PKD1L1: variants seen among roughly 807,000 people sequenced by gnomAD.
The protein encoded by PKD1L1 is polycystin-1-like protein 1.
A neutral mutation model predicts 323.4 loss-of-function variants in PKD1L1; 236 were observed. The observed-to-expected ratio is 0.73, with a 90% confidence interval of 0.66 to 0.81. The LOEUF (loss-of-function observed/expected upper bound fraction) is 0.81. PKD1L1 is among the 40% of genes least tolerant of loss of function. The pLI is 0.00. For missense variants in PKD1L1, 3,320 were observed against 3,508.0 expected, an observed-to-expected ratio of 0.95 and a Z score of 1.35; for synonymous variants, 1,344 against 1,335.0, an observed-to-expected ratio of 1.01 and a Z score of -0.15.
chr7:47,824,041 T>C lies in PKD1L1; in HGVS notation c.6855-2855A>G, dbSNP rs148143551. 2.4e-4 allele frequency among the ~76,000 whole-genome samples: 37 copies of C among 152,364 alleles called. 1 individual carries two copies. The highest frequency in any genetic ancestry group is 7.0e-4 in the African/African-American group (29 of 41,594). On this transcript the variant is annotated intron_variant, in intron 45 of 56. Coordinates refer to ENST00000289672, the MANE Select transcript of PKD1L1 (RefSeq NM_138295.5). Reference sequence around the variant, plus strand: ...AACTGGCTTCTTGGTCCTCTGACAATGACTCTAGCAGTTATTAATTGCTCC... The same window carrying C: ...AACTGGCTTCTTGGTCCTCTGACAACGACTCTAGCAGTTATTAATTGCTCC...
intron 55 of PKD1L1, among the ~76,000 whole-genome samples, chr7:47,793,598 A>G (rs185085500): frequency 3.7e-4 from 56 of 152,306 alleles, no homozygotes; most frequent in Non-Finnish European, 4.3e-4. Flanking sequence ...AGTTTCAGTT[A>G]TATCTTTATC....
At position 47,815,362 on chromosome 7, in the gene PKD1L1, G is replaced by T; in HGVS notation, c.7061C>A (p.Thr2354Asn). The T allele has an allele frequency of 2.5e-6, 4 of 1,614,146 alleles. No homozygotes were observed. Among genetic ancestry groups the T allele is most frequent in the Non-Finnish European group, 3.4e-6 (4 of 1,180,028 alleles). ...TLLDGLYPGG[T>N]PSARVPGAQP... ...AGCCCCCGGCACACGGGCTGACGGG[G>T]TGCCTCCCGGGTACAGGCCATCCAG... The change falls in exon 47 of 57, where the codon ACC (threonine) becomes AAC (asparagine). Residue 2354 changes from threonine (T) to asparagine (N), a missense_variant. By Grantham distance (65) the Thr-to-Asn change is moderately conservative. Coordinates refer to ENST00000289672, the MANE Select transcript of PKD1L1 (RefSeq NM_138295.5).
At chr7:47,896,135 G>A (rs754569074) in intron 14 of PKD1L1, among the ~76,000 whole-genome samples, 11 of 152,012 alleles carry the variant, frequency 7.2e-5, no homozygotes, top group South Asian at 2.1e-4. Context: ...CCAGGAGTTC[G>A]AGAGCAGCCT....
At chr7:47,786,765 C>T (rs906740778) in intron 56 of PKD1L1, among the ~76,000 whole-genome samples, 1 of 152,164 alleles carries the variant, frequency 6.6e-6, no homozygotes, top group East Asian at 1.9e-4. Context: ...AGAAGAGGCC[C>T]GAGCAAGGAG....
At position 47,796,152 on chromosome 7, in the gene PKD1L1, T is replaced by A; in HGVS notation, c.8194-2A>T. On this transcript the variant is annotated splice_acceptor_variant, in intron 54 of 56. Transcript: ENST00000289672. LOFTEE classifies it high-confidence loss of function. The stretch of plus-strand genomic sequence containing the variant: ...TAAAGTCATGAGAAAACCTCTCAGC[T>A]AGGAAAAAGAAAAAAATAAAGACAA... The A allele has an allele frequency of 2.5e-6, 4 of 1,575,252 alleles. No individual in the cohort carries two copies. Among genetic ancestry groups the A allele is most frequent in the Admixed American group, 2.0e-5 (1 of 49,322 alleles).
chr7:47,869,152 T>C (rs914018510), intron 24 of PKD1L1, among the ~76,000 whole-genome samples: 1 of 152,112 alleles, frequency 6.6e-6, no homozygotes, highest in African/African-American at 2.4e-5. Context: ...GAAAATGATA[T>C]ACTAGAAAAT....
chr7:47,948,324 T>C (rs1300653376), intron 1 of PKD1L1, 73 bp downstream of exon 1: 10 of 1,572,784 alleles, frequency 6.4e-6, no homozygotes, highest in Non-Finnish European at 8.7e-6. Context: ...GGTGATGACT[T>C]TTGAAAGAAA....
At chr7:47,871,039 T>C (rs1356890122) in intron 24 of PKD1L1, among the ~76,000 whole-genome samples, 2 of 140,748 alleles carry the variant, frequency 1.4e-5, no homozygotes, top group African/African-American at 5.3e-5. Flanking sequence ...ATTATTCTGA[T>C]ACCAAAACCA....
chr7:47,940,898 C>G (rs1488950525), intron 2 of PKD1L1, among the ~76,000 whole-genome samples: 3 of 152,226 alleles, frequency 2.0e-5, no homozygotes, highest in African/African-American at 7.2e-5. Flanking sequence ...CATCCCATGT[C>G]TGTGAGAGCA....
chr7:47,812,109 C>T (rs1222829417), intron 49 of PKD1L1, 58 bp from the exon 50 acceptor site: 6 of 1,402,392 alleles, frequency 4.3e-6, no homozygotes, highest in African/African-American at 4.3e-5. Context: ...CAGAAGTCTA[C>T]TGAGGCTCCC....
intron 56 of PKD1L1, among the ~76,000 whole-genome samples, chr7:47,778,933 T>C (rs1425611594): frequency 1.3e-5 from 2 of 152,216 alleles, no homozygotes. Context: ...CTGGCGATCA[T>C]ATCGTTTTTA....
chr7:47,806,393 T>C (rs993259150), intron 52 of PKD1L1, among the ~76,000 whole-genome samples: 6 of 152,190 alleles, frequency 3.9e-5, no homozygotes, highest in African/African-American at 1.2e-4. Flanking sequence ...CATGTCGGCA[T>C]TGTAGCCCAC....
intron 3 of PKD1L1, among the ~76,000 whole-genome samples, chr7:47,939,554 C>T (rs1344572441): frequency 6.6e-6 from 1 of 152,198 alleles, no homozygotes; most frequent in Non-Finnish European, 1.5e-5. Flanking sequence ...CGCTTCTCCT[C>T]CATCTCCAGG....
Position 47,830,062 on chromosome 7 carries a change from A to C in PKD1L1, c.6536T>G (p.Ile2179Ser). 6.2e-7 allele frequency: 1 copy of C among 1,614,140 alleles called. No individual in the cohort carries two copies. Among genetic ancestry groups the C allele is most frequent in the Admixed American group, 1.7e-5 (1 of 60,020 alleles). The change falls in exon 43 of 57, where the codon ATT becomes AGT. Residue 2179 changes from isoleucine (I) to serine (S), a missense_variant. Ile to Ser is a moderately radical substitution (Grantham distance 142). Transcript: ENST00000289672. ...HLLSLSVVCC[I>S]FITQPLMVCL... Reference sequence around the variant, plus strand: ...TACCATAAGTGGCTGGGTGATGAAAATACAGCAGACCACGGAGAGGGACAG... The same window carrying C: ...TACCATAAGTGGCTGGGTGATGAAACTACAGCAGACCACGGAGAGGGACAG...
chr7:47,791,699 G>A (rs1170909267), intron 56 of PKD1L1, among the ~76,000 whole-genome samples: 1 of 152,138 alleles, frequency 6.6e-6, no homozygotes, highest in Non-Finnish European at 1.5e-5. Flanking sequence ...TTCTTCCCTG[G>A]GTTGTTGTGA....
chr7:47,822,359 G>A (rs1785158322), intron 45 of PKD1L1, among the ~76,000 whole-genome samples: 1 of 152,052 alleles, frequency 6.6e-6, no homozygotes, highest in Non-Finnish European at 1.5e-5. Context: ...GGGAGGCCAA[G>A]GCAGGCGGAT....
At position 47,929,257 on chromosome 7, in the gene PKD1L1, A is replaced by G. The variant is rs755710448; in HGVS notation, c.1007T>C (p.Leu336Pro). Residue 336 changes from leucine to proline, a missense_variant, in exon 7 of 57, where the codon CTA becomes CCA. Transcript: ENST00000289672. ...FGDSSGVEMRLHNMSEAMAVT... is the reference protein window; with the variant it reads ...FGDSSGVEMRPHNMSEAMAVT... ...CGCCATTGCCTCAGACATGTTGTGT[A>G]GCCTCATTTCAACCCCAGAACTGTC... 21 of 1,614,044 alleles carry G rather than the reference A, an allele frequency of 1.3e-5. No individual in the cohort carries two copies. The highest frequency in any genetic ancestry group is 1.7e-5 in the Non-Finnish European group (20 of 1,180,046).
intron 1 of PKD1L1, among the ~76,000 whole-genome samples, chr7:47,947,188 G>A (rs552495775): frequency 3.9e-5 from 6 of 152,216 alleles, no homozygotes; most frequent in East Asian, 3.8e-4. Context: ...CCGTCAACAC[G>A]TGCAGCCTCA....
chr7:47,956,765 G>C, the PKD1L1 span: 2 of 152,436 alleles, frequency 1.3e-5, no homozygotes, highest in Non-Finnish European at 2.9e-5. Flanking sequence ...CAAAATAGCT[G>C]TCTAAAGGTA....
Sources: gnomAD v4.1 joint callset for allele counts (sites outside exome capture counted in the v4.1 genomes callset) on GRCh38, gnomAD v4.1.1 for gene constraint, MANE v1.5 for transcripts, NCBI Gene and HGNC (gene_info 2026-07-23, HGNC 2026-07-21) for gene names.